Variants in EDIL3 observed in about 807,000 individuals in gnomAD.
EDIL3 encodes EGF like and discoidin domains 3.
Under a neutral mutation model 67.4 loss-of-function variants are expected in EDIL3, and 37 were observed. That is an observed-to-expected ratio of 0.55 (90% CI 0.42 to 0.72). EDIL3 has a LOEUF of 0.72. EDIL3 is among the 30% of genes least tolerant of loss of function. The pLI is 0.00. For synonymous variants in EDIL3, 195 were observed against 196.3 expected (o/e 0.99, Z 0.05); for missense variants, 527 against 586.3 (o/e 0.90, Z 1.04).
chr5:84,333,237 C>G (rs533502974), intron 1 of EDIL3, among the ~76,000 whole-genome samples: 1 of 152,028 alleles, frequency 6.6e-6, no homozygotes, highest in African/African-American at 2.4e-5. Context: ...TATGAACATA[C>G]GAATTTCACT....
chr5:84,054,978 C>A (rs1191307266), intron 9 of EDIL3, among the ~76,000 whole-genome samples: 2 of 146,068 alleles, frequency 1.4e-5, no homozygotes, highest in Non-Finnish European at 3.0e-5. Context: ...TCATATGGAA[C>A]CAAAAAATAG....
chr5:84,057,855 A>G (rs1204768415), intron 9 of EDIL3, among the ~76,000 whole-genome samples: 1 of 152,134 alleles, frequency 6.6e-6, no homozygotes, highest in Non-Finnish European at 1.5e-5. Flanking sequence ...ATGCTGAACA[A>G]CAAGTTAAGA....
chr5:84,029,732 G>A lies in EDIL3; in HGVS notation c.1137+30568C>T, dbSNP rs117498592. 1.2e-3 allele frequency among the ~76,000 whole-genome samples: 190 copies of A among 152,216 alleles called. 6 individuals are homozygous for A. The East Asian group carries it at 0.034, about 27-fold the overall frequency. On this transcript the variant is annotated intron_variant, in intron 9 of 10. Coordinates refer to ENST00000296591, the MANE Select transcript of EDIL3 (RefSeq NM_005711.5). ...ATTATGGCAGGCTGCATTAATTAAA[G>A]TCTGTATCTACAAGTCAGAGGCAGG...
chr5:84,146,172 T>C (rs1355651959), intron 4 of EDIL3, among the ~76,000 whole-genome samples: 2 of 152,162 alleles, frequency 1.3e-5, no homozygotes, highest in Non-Finnish European at 2.9e-5. Context: ...TTACTTATTA[T>C]GTACCAAACA....
rs371125287 is a variant in EDIL3 at position 84,069,971 on chromosome 5, C to T, written c.652-3365G>A. Among the ~76,000 whole-genome samples, 63 of 152,064 alleles carry T rather than the reference C, an allele frequency of 4.1e-4. No individual in the cohort carries two copies. In the South Asian group the frequency reaches 0.012, roughly 30 times the overall value. The stretch of plus-strand genomic sequence containing the variant: ...GAGCAGAGGAGCAGAAGAGCACCAC[C>T]GACAGGCACCGGTAGACGCCAGCAG... On this transcript the variant is annotated intron_variant, in intron 6 of 10. Coordinates refer to ENST00000296591, the MANE Select transcript of EDIL3 (RefSeq NM_005711.5).
At chr5:83,990,560 A>C (rs1345919976) in intron 9 of EDIL3, among the ~76,000 whole-genome samples, 1 of 151,640 alleles carries the variant, frequency 6.6e-6, no homozygotes, top group Non-Finnish European at 1.5e-5. Flanking sequence ...AGACTTGGTG[A>C]AATGATTATC....
chr5:84,054,021 A>G (rs891308435), intron 9 of EDIL3, among the ~76,000 whole-genome samples: 4 of 152,144 alleles, frequency 2.6e-5, no homozygotes, highest in African/African-American at 9.7e-5. Flanking sequence ...AGAATTTTAG[A>G]CCAATATCCC....
At chr5:84,142,877 T>G (rs1375567623) in intron 4 of EDIL3, among the ~76,000 whole-genome samples, 1 of 144,122 alleles carries the variant, frequency 6.9e-6, no homozygotes, top group African/African-American at 2.5e-5. Context: ...CTTCTTTATG[T>G]CTTTCCCTTG....
Position 84,219,497 on chromosome 5 carries a change from TATA to T in EDIL3, c.226+10355_226+10357del, listed in dbSNP as rs1353715291. 3.5e-3 allele frequency among the ~76,000 whole-genome samples: 536 copies of T among 152,268 alleles called. 6 individuals carry two copies. Among genetic ancestry groups the T allele is most frequent in the African/African-American group, 0.012 (516 of 41,550 alleles). ...CGTGGAGGAAAGGCAACCCTTGTAT[TATA>T]CACTGTTGGTGGGAATGTATTTATC... On this transcript the variant is annotated intron_variant, in intron 3 of 10. Coordinates refer to ENST00000296591, the MANE Select transcript of EDIL3 (RefSeq NM_005711.5).
At chr5:84,377,359 G>A (rs943341204) in intron 1 of EDIL3, among the ~76,000 whole-genome samples, 2 of 151,160 alleles carry the variant, frequency 1.3e-5, no homozygotes, top group Non-Finnish European at 2.9e-5. Context: ...CAGACCTAAG[G>A]CTCAGGCCTG....
Position 84,172,606 on chromosome 5 carries a change from C to A in EDIL3, c.355+7787G>T, listed in dbSNP as rs368427307. On this transcript the variant is annotated intron_variant, in intron 4 of 10. Transcript: ENST00000296591. ...CAAAAAAACAAAACAACAACAACAA[C>A]AACAAAAAAATAAAAATAAAAGAAA... is the stretch of plus-strand genomic sequence containing the variant. 1.7e-3 allele frequency among the ~76,000 whole-genome samples: 260 copies of A among 150,984 alleles called. 1 individual carries two copies. The highest frequency in any genetic ancestry group is 5.7e-3 in the African/African-American group (234 of 40,990).
chr5:83,945,067 G>C (rs1182796338), intron 10 of EDIL3, among the ~76,000 whole-genome samples: 3 of 151,938 alleles, frequency 2.0e-5, no homozygotes, highest in African/African-American at 7.2e-5. Flanking sequence ...TAGGCAGTAC[G>C]GCACTGATTA....
At chr5:84,298,272 C>T (rs531334437) in intron 1 of EDIL3, among the ~76,000 whole-genome samples, 5 of 152,128 alleles carry the variant, frequency 3.3e-5, no homozygotes, top group East Asian at 1.9e-4. Context: ...AAATGTGGTA[C>T]GTACACACCA....
chr5:84,281,776 A>C (rs1229172558), intron 1 of EDIL3, among the ~76,000 whole-genome samples: 1 of 152,102 alleles, frequency 6.6e-6, no homozygotes, highest in Non-Finnish European at 1.5e-5. Flanking sequence ...AGTGAAAAGA[A>C]GTATGAAGAA....
At chr5:84,109,907 C>T (rs1747529791) in intron 5 of EDIL3, among the ~76,000 whole-genome samples, 1 of 152,152 alleles carries the variant, frequency 6.6e-6, no homozygotes, top group South Asian at 2.1e-4. Flanking sequence ...TGACACTTAA[C>T]TTATCAGTTG....
chr5:84,330,662 T>G (rs953862916), intron 1 of EDIL3, among the ~76,000 whole-genome samples: 3 of 152,170 alleles, frequency 2.0e-5, no homozygotes, highest in Non-Finnish European at 4.4e-5. Flanking sequence ...TTATTTATAA[T>G]CCAGCCTGCA....
At position 84,047,230 on chromosome 5, in the gene EDIL3, T is replaced by A. The variant is rs531442321; in HGVS notation, c.1137+13070A>T. Among the ~76,000 whole-genome samples, 35 of 152,242 alleles carry A rather than the reference T, an allele frequency of 2.3e-4. No individual in the cohort carries two copies. In the South Asian group the frequency reaches 6.8e-3, roughly 30 times the overall value. ...TCTCTTTGGCACCAGAAACTATTAC[T>A]TTGGGCCTTTTTCATGATTTTCTAT... is the stretch of plus-strand genomic sequence containing the variant. On this transcript the variant is annotated intron_variant, in intron 9 of 10. Coordinates refer to ENST00000296591, the MANE Select transcript of EDIL3 (RefSeq NM_005711.5).
chr5:84,013,753 A>G, intron 9 of EDIL3, among the ~76,000 whole-genome samples: 1 of 152,202 alleles, frequency 6.6e-6, no homozygotes, highest in African/African-American at 2.4e-5. Context: ...GGTGTATGAT[A>G]TACAAATATA....
In EDIL3 at chr5:84,055,286, C is replaced by G. The variant is rs7733746; in HGVS notation, c.1137+5014G>C. The stretch of plus-strand genomic sequence containing the variant: ...GAAAGCTGAAACTGGATCCCTTCCT[C>G]GCACCTTATAAAAAATTAATTCAAG... On this transcript the variant is annotated intron_variant, in intron 9 of 10. Coordinates refer to ENST00000296591, the MANE Select transcript of EDIL3 (RefSeq NM_005711.5). Among the ~76,000 whole-genome samples the G allele has an allele frequency of 2.1e-5, 3 of 145,604 alleles. 1 individual carries two copies. The highest frequency in any genetic ancestry group is 4.5e-5 in the Non-Finnish European group (3 of 67,278).
Sources: gnomAD v4.1 joint callset for allele counts (sites outside exome capture counted in the v4.1 genomes callset) on GRCh38, gnomAD v4.1.1 for gene constraint, MANE v1.5 for transcripts, NCBI Gene and HGNC (gene_info 2026-07-23, HGNC 2026-07-21) for gene names.